Variants in GRHL2 observed in about 807,000 individuals in gnomAD.
The protein encoded by GRHL2 is grainyhead like transcription factor 2.
A neutral mutation model predicts 83.8 loss-of-function variants in GRHL2; 21 were observed. That is an observed-to-expected ratio of 0.25 (90% CI 0.18 to 0.36). The LOEUF is 0.36. Ranked by LOEUF, GRHL2 falls within the 10% of genes least tolerant of loss-of-function variation. The pLI is 1.00. For synonymous variants in GRHL2, 280 were observed against 278.9 expected, an observed-to-expected ratio of 1.00 and a Z score of -0.04; for missense variants, 623 against 781.8, an observed-to-expected ratio of 0.80 and a Z score of 2.42.
rs918479739 is a variant in GRHL2 at position 101,524,737 on chromosome 8, G to A, written c.21-18504G>A. ...TGAAATGGGTAGAGTCTTGCTTAAT[G>A]GCCTGATATTAGGTCAGTTTTCTTA... On this transcript the variant is annotated intron_variant, in intron 1 of 15. Transcript: ENST00000646743. 2.0e-5 allele frequency among the ~76,000 whole-genome samples: 3 copies of A among 151,856 alleles called. 1 individual carries two copies. The highest frequency in any genetic ancestry group is 4.4e-5 in the Non-Finnish European group (3 of 67,962).
intron 8 of GRHL2, among the ~76,000 whole-genome samples, chr8:101,616,145 C>T (rs1812853023): frequency 7.5e-6 from 1 of 133,192 alleles, no homozygotes; most frequent in Non-Finnish European, 1.6e-5. Flanking sequence ...TTCTTTCTTT[C>T]TCTCTCTCTT....
At chr8:101,663,696 CTG>C in intron 14 of GRHL2, among the ~76,000 whole-genome samples, 1 of 151,984 alleles carries the variant, frequency 6.6e-6, no homozygotes, top group East Asian at 1.9e-4. Flanking sequence ...TAAATTATGA[CTG>C]TGTGGTGCAT....
At chr8:101,566,421 C>T (rs908834381) in intron 4 of GRHL2, among the ~76,000 whole-genome samples, 14 of 151,602 alleles carry the variant, frequency 9.2e-5, no homozygotes, top group Non-Finnish European at 4.4e-5. Context: ...CTGTTGATCA[C>T]TCCTCCCTCT....
the GRHL2 span, among the ~76,000 whole-genome samples, chr8:101,680,044 C>T: frequency 1.7e-5 from 2 of 118,860 alleles, no homozygotes; most frequent in South Asian, 3.6e-4. Context: ...CAGCTATCAT[C>T]ATAATGACAG....
At chr8:101,631,770 G>A in intron 10 of GRHL2, 46 bp downstream of exon 10, 1 of 1,492,426 alleles carries the variant, frequency 6.7e-7, no homozygotes, top group Non-Finnish European at 9.3e-7. Context: ...ACTCCAGGTG[G>A]GCTGTGTCCA....
At chr8:101,518,573 G>A (rs955538782) in intron 1 of GRHL2, among the ~76,000 whole-genome samples, 2 of 152,146 alleles carry the variant, frequency 1.3e-5, no homozygotes, top group African/African-American at 2.4e-5. Context: ...ATTCTGCAGT[G>A]CCTGGTCTTC....
At position 101,665,927 on chromosome 8, in the gene GRHL2, G is replaced by T. The variant is rs188313441; in HGVS notation, c.1764-662G>T. 5.5e-3 allele frequency among the ~76,000 whole-genome samples: 844 copies of T among 152,312 alleles called. 4 individuals are homozygous for T. The highest frequency in any genetic ancestry group is 8.8e-3 in the Non-Finnish European group (598 of 68,024). On this transcript the variant is annotated intron_variant, in intron 15 of 15. Transcript: ENST00000646743. ...CTTTCTTAAAACTCTATCAGGGATA[G>T]TTAGCCACAGGAGTAGGTCACAGGT...
In GRHL2 at chr8:101,668,040, T is replaced by A. The variant is rs972061640; in HGVS notation, c.*1337T>A. 1.1e-4 allele frequency: 17 copies of A among 152,388 alleles called. No individual in the cohort carries two copies. The highest frequency in any genetic ancestry group is 4.1e-4 in the African/African-American group (17 of 41,428). The allele number at this position is 152,388 out of a possible 1,614,324, so 9.4% of individuals were successfully genotyped here. On this transcript the variant is annotated 3_prime_UTR_variant, in exon 16 of 16. Coordinates refer to ENST00000646743, the MANE Select transcript of GRHL2 (RefSeq NM_024915.4). Reference sequence around the variant, plus strand: ...TTAAGGAAGTGAGTGAGAAAGAATGTGCCAAGATACCTGGCTCCTGTGAAA... The same window carrying A: ...TTAAGGAAGTGAGTGAGAAAGAATGAGCCAAGATACCTGGCTCCTGTGAAA...
intron 1 of GRHL2, among the ~76,000 whole-genome samples, chr8:101,511,056 G>T (rs905156562): frequency 6.6e-6 from 1 of 151,802 alleles, no homozygotes; most frequent in African/African-American, 2.4e-5. Flanking sequence ...AGTGGAGATC[G>T]TGCCACTGCA....
At chr8:101,673,241 T>G (rs1814237467), downstream of GRHL2, among the ~76,000 whole-genome samples, 2 of 152,024 alleles carry the variant, frequency 1.3e-5, no homozygotes, top group African/African-American at 4.8e-5. Context: ...ATGCTCCAAT[T>G]AAAAGACACA....
At chr8:101,617,267 GT>G (rs1373393385) in intron 8 of GRHL2, among the ~76,000 whole-genome samples, 1 of 152,098 alleles carries the variant, frequency 6.6e-6, no homozygotes, top group East Asian at 1.9e-4. Context: ...AGGGCATAGG[GT>G]TTCTGTAATC....
At position 101,626,004 on chromosome 8, in the gene GRHL2, A is replaced by G. The variant is rs113313556; in HGVS notation, c.1258-5633A>G. On this transcript the variant is annotated intron_variant, in intron 9 of 15. Coordinates refer to ENST00000646743, the MANE Select transcript of GRHL2 (RefSeq NM_024915.4). ...AGTAGACCTGAAATCTTTTGCTGTAATTTGTCATCATTTTTGAAGCTCTAA... is the reference window on the plus strand; with the variant it reads ...AGTAGACCTGAAATCTTTTGCTGTAGTTTGTCATCATTTTTGAAGCTCTAA... 5.5e-3 allele frequency among the ~76,000 whole-genome samples: 834 copies of G among 152,154 alleles called. 7 individuals carry two copies. Among genetic ancestry groups the G allele is most frequent in the African/African-American group, 0.018 (752 of 41,544 alleles).
At chr8:101,553,143 G>A (rs1811419524) in intron 3 of GRHL2, among the ~76,000 whole-genome samples, 1 of 152,210 alleles carries the variant, frequency 6.6e-6, no homozygotes, top group Admixed American at 6.5e-5. Flanking sequence ...GACACTTGAA[G>A]GATTGCTTTT....
intron 4 of GRHL2, among the ~76,000 whole-genome samples, chr8:101,565,909 A>T (rs1811708145): frequency 2.6e-5 from 4 of 152,192 alleles, no homozygotes; most frequent in Admixed American, 1.3e-4. Context: ...GCAAGTAATG[A>T]CTATTTGTCA....
intron 2 of GRHL2, among the ~76,000 whole-genome samples, chr8:101,544,693 A>G (rs977930695): frequency 6.6e-6 from 1 of 152,214 alleles, no homozygotes; most frequent in African/African-American, 2.4e-5. Flanking sequence ...TTATTTTAGA[A>G]TAAGAACTGA....
At chr8:101,499,998 C>A (rs1810190444) in intron 1 of GRHL2, among the ~76,000 whole-genome samples, 1 of 152,146 alleles carries the variant, frequency 6.6e-6, no homozygotes, top group Admixed American at 6.5e-5. Context: ...ATCGCTTGAA[C>A]ACAGGAGGTG....
intron 1 of GRHL2, among the ~76,000 whole-genome samples, chr8:101,501,030 C>T (rs1810218491): frequency 6.6e-6 from 1 of 152,114 alleles, no homozygotes; most frequent in Non-Finnish European, 1.5e-5. Flanking sequence ...TTTTGATTTG[C>T]CACATACAAT....
intron 8 of GRHL2, among the ~76,000 whole-genome samples, chr8:101,615,262 C>T (rs1291062576): frequency 1.3e-5 from 2 of 152,106 alleles, no homozygotes; most frequent in African/African-American, 4.8e-5. Context: ...TGGGTCTGTC[C>T]CACTTAAATG....
At chr8:101,679,789 G>T in the GRHL2 span, among the ~76,000 whole-genome samples, 1 of 148,418 alleles carries the variant, frequency 6.7e-6, no homozygotes, top group Non-Finnish European at 1.5e-5. Flanking sequence ...TTAAAGAAAA[G>T]AATTTTCAAC....
Sources: gnomAD v4.1 joint callset for allele counts (sites outside exome capture counted in the v4.1 genomes callset) on GRCh38, gnomAD v4.1.1 for gene constraint, MANE v1.5 for transcripts, NCBI Gene and HGNC (gene_info 2026-07-23, HGNC 2026-07-21) for gene names.